Variants in SNX2 observed in about 807,000 individuals in gnomAD.
The protein encoded by SNX2 is sorting nexin 2, also known as sorting nexin-2.
Under a neutral mutation model 69.9 loss-of-function variants are expected in SNX2, and 25 were observed. The ratio of observed to expected loss-of-function variants is 0.36; its 90% confidence interval spans 0.26 to 0.50. The LOEUF (loss-of-function observed/expected upper bound fraction) is 0.50. SNX2 is among the 20% of genes least tolerant of loss of function. The probability of loss-of-function intolerance (pLI) is 0.97; values close to 1 mark genes in which losing one functional copy is unlikely to be tolerated. For synonymous variants in SNX2, 229 were observed against 200.4 expected, an observed-to-expected ratio of 1.14 and a Z score of -1.20; for missense variants, 551 against 613.3, an observed-to-expected ratio of 0.90 and a Z score of 1.07.
chr5:122,803,911 G>A (rs1753571209), intron 6 of SNX2: 2 of 196,606 alleles, frequency 1.0e-5, no homozygotes, highest in Non-Finnish European at 2.0e-5. Context: ...GGCCAGGGTA[G>A]GAAGATCACT....
chr5:122,795,845 T>A (rs1290834272), intron 2 of SNX2, among the ~76,000 whole-genome samples: 1 of 152,204 alleles, frequency 6.6e-6, no homozygotes, highest in East Asian at 1.9e-4. Flanking sequence ...GTGAATAAAT[T>A]GATGCTTAAG....
intron 1 of SNX2, among the ~76,000 whole-genome samples, chr5:122,781,616 A>G (rs1478375977): frequency 6.6e-6 from 1 of 152,168 alleles, no homozygotes; most frequent in Admixed American, 6.5e-5. Context: ...ACCATTTTGC[A>G]TTGCATCAAT....
At chr5:122,824,388 ATTTGTG>A (rs906131228) in intron 11 of SNX2, among the ~76,000 whole-genome samples, 7 of 152,164 alleles carry the variant, frequency 4.6e-5, no homozygotes, top group Admixed American at 3.9e-4. Flanking sequence ...TTCTGAATCT[ATTTGTG>A]TTAGATATGT....
intron 6 of SNX2, among the ~76,000 whole-genome samples, chr5:122,804,532 A>G (rs1305498100): frequency 6.6e-6 from 1 of 151,826 alleles, no homozygotes; most frequent in African/African-American, 2.4e-5. Context: ...TGCCTGGCTA[A>G]TCCTTTTTGT....
intron 1 of SNX2, among the ~76,000 whole-genome samples, chr5:122,791,664 G>A (rs1374208884): frequency 6.6e-6 from 1 of 152,244 alleles, no homozygotes; most frequent in African/African-American, 2.4e-5. Context: ...TGATCTGCCT[G>A]CCTTGGCCTC....
intron 9 of SNX2, 120 bp downstream of exon 9, chr5:122,817,148 C>A: frequency 8.9e-7 from 1 of 1,124,536 alleles, no homozygotes; most frequent in South Asian, 1.3e-5. Flanking sequence ...AGTTCTCAGC[C>A]ACATCAGTTG....
chr5:122,820,377 A>G (rs1753995711), intron 11 of SNX2, among the ~76,000 whole-genome samples: 2 of 152,146 alleles, frequency 1.3e-5, no homozygotes, highest in South Asian at 4.1e-4. Context: ...CTCTACTAAA[A>G]ATACAAAAAT....
chr5:122,789,208 C>T (rs1191138858), intron 1 of SNX2, among the ~76,000 whole-genome samples: 1 of 152,142 alleles, frequency 6.6e-6, no homozygotes, highest in Non-Finnish European at 1.5e-5. Flanking sequence ...CATGCAGGCA[C>T]CACTCAGGTC....
chr5:122,815,993 T>C, intron 8 of SNX2, 22 bp downstream of exon 8: 1 of 1,339,568 alleles, frequency 7.5e-7, no homozygotes, highest in Non-Finnish European at 1.1e-6. Flanking sequence ...ATATTAAATG[T>C]TTGTATATGA....
chr5:122,790,216 T>C (rs1226694167), intron 1 of SNX2, among the ~76,000 whole-genome samples: 1 of 152,130 alleles, frequency 6.6e-6, no homozygotes, highest in Non-Finnish European at 1.5e-5. Context: ...CCTCCTGGGT[T>C]CAAGCTATCC....
chr5:122,815,676 G>C (rs998442647), intron 7 of SNX2: 12 of 307,060 alleles, frequency 3.9e-5, no homozygotes, highest in Non-Finnish European at 6.6e-5. Context: ...CTCTTTTTAC[G>C]TAATTATGAA....
chr5:122,829,644 C>T lies in SNX2; in HGVS notation c.1556C>T (p.Ala519Val), dbSNP rs1178967050. ...TTCCTACCTGAAGCCAAAGCCATTG[C>T]CTAGCAATAAGATTGTTGCCGTTAA... ...EAFLPEAKAIA is the reference protein window; with the variant it reads ...EAFLPEAKAIV The change falls in exon 15 of 15, where the codon GCC (alanine) becomes GTC (valine). Residue 519 changes from alanine (A) to valine (V), a missense_variant. Around this residue, in one of 2 missense-constraint regions of SNX2, gnomAD observed 360 missense variants for 450.4 expected, o/e 0.80. Transcript: ENST00000379516. 3 of 1,612,764 alleles carry T rather than the reference C, an allele frequency of 1.9e-6. No homozygotes were observed. The highest frequency in any genetic ancestry group is 4.5e-5 in the East Asian group (2 of 44,848).
At chr5:122,827,335 CTTTT>C in intron 12 of SNX2, 40 bp from the exon 13 acceptor site, 6 of 1,526,364 alleles carry the variant, frequency 3.9e-6, no homozygotes, top group Non-Finnish European at 5.4e-6. Flanking sequence ...CAGTACTATA[CTTTT>C]TTTTGAGATA....
In SNX2 at chr5:122,831,009, CAAAAAAA is replaced by C. The variant is rs58159922; in HGVS notation, c.*1379_*1385del. On this transcript the variant is annotated 3_prime_UTR_variant, in exon 15 of 15. Transcript: ENST00000379516. ...AGGCAACAAAAGCAAAACTCCATCT[CAAAAAAA>C]AAAAAAAAAAAAAAAAAGATGACTG... Among the ~76,000 whole-genome samples the C allele has an allele frequency of 1.7e-4, 11 of 63,010 alleles. No homozygotes were observed. Among genetic ancestry groups the C allele is most frequent in the South Asian group, 7.1e-4 (1 of 1,416 alleles). The allele number at this position is 63,010 out of a possible 152,430, so 41.3% of individuals were successfully genotyped here. A position where few individuals can be genotyped will look rare whatever the true frequency, so the allele number is the denominator to read the frequency against.
intron 7 of SNX2, among the ~76,000 whole-genome samples, chr5:122,810,399 T>TAAAAA (rs928838303): frequency 2.5e-5 from 3 of 122,448 alleles, no homozygotes; most frequent in Middle Eastern, 4.2e-3. Context: ...AATGATCAAT[T>TAAAAA]AAAAAAAAAA....
Position 122,822,145 on chromosome 5 carries a change from G to C in SNX2, c.1212+3122G>C, listed in dbSNP as rs369946268. On this transcript the variant is annotated intron_variant, in intron 11 of 14. Coordinates refer to ENST00000379516, the MANE Select transcript of SNX2 (RefSeq NM_003100.4). ...AGTCTTGCTTTGTCGCCAGGCTAGA[G>C]TGCAGTGGTGCAATCTTGGCTCACT... Among the ~76,000 whole-genome samples the C allele has an allele frequency of 1.4e-4, 21 of 152,228 alleles. 3 individuals are homozygous for C. The highest frequency in any genetic ancestry group is 3.9e-4 in the East Asian group (2 of 5,176).
Position 122,818,855 on chromosome 5 carries a change from T to C in SNX2, c.1044T>C (p.Ala348=), listed in dbSNP as rs1287452980. 6.2e-7 allele frequency: 1 copy of C among 1,613,986 alleles called. No individual in the cohort carries two copies. The highest frequency in any genetic ancestry group is 1.7e-5 in the Admixed American group (1 of 60,022). ...ACACAGCTGCCTTTGCTAAAAGTGC[T>C]GCCATGTTAGGTAATTCTGAGGATC... is the stretch of plus-strand genomic sequence containing the variant. ...SANTAAFAKS[A]AMLGNSEDHT... Residue 348 remains alanine (A), a synonymous_variant, in exon 11 of 15, where the codon GCT becomes GCC. Transcript: ENST00000379516.
At chr5:122,804,365 C>CTTTTT (rs1284102957) in intron 6 of SNX2, among the ~76,000 whole-genome samples, 1 of 135,762 alleles carries the variant, frequency 7.4e-6, no homozygotes, top group Non-Finnish European at 1.6e-5. Flanking sequence ...AACATTTCTA[C>CTTTTT]TTTTTTTTTT....
intron 11 of SNX2, among the ~76,000 whole-genome samples, chr5:122,823,715 TGG>T (rs1376095598): frequency 3.6e-5 from 2 of 56,188 alleles, no homozygotes; most frequent in African/African-American, 2.9e-4. Context: ...CGTGTGTATG[TGG>T]GTGTGTGTGT....
Sources: allele counts gnomAD v4.1 joint callset (sites outside exome capture counted in the v4.1 genomes callset), GRCh38; gene constraint gnomAD v4.1.1; regional missense constraint gnomAD v4.1.1; transcripts MANE v1.5; gene names NCBI Gene and HGNC (gene_info 2026-07-23, HGNC 2026-07-21).